The following EYA2 variants were observed in gnomAD, a reference collection of about 807,000 sequenced individuals.
EYA2 encodes the protein protein phosphatase EYA2.
A neutral mutation model predicts 69.2 loss-of-function variants in EYA2; 31 were observed. That is an observed-to-expected ratio of 0.45 (90% CI 0.34 to 0.60). The LOEUF (loss-of-function observed/expected upper bound fraction) is 0.60, where lower values mean the gene tolerates loss of function less well. EYA2 is among the 20% of genes least tolerant of loss of function. EYA2 has a pLI of 0.02. For missense variants in EYA2, 622 were observed against 701.2 expected (o/e 0.89, Z 1.28); for synonymous variants, 257 against 279.4 (o/e 0.92, Z 0.80).
intron 10 of EYA2, chr20:47,161,426 A>G: frequency 2.4e-6 from 1 of 419,854 alleles, no homozygotes; most frequent in East Asian, 6.4e-5. Flanking sequence ...CCTTGAGAGA[A>G]GCCCCCAGGA....
At chr20:46,952,844 A>G (rs1192152904) in intron 1 of EYA2, among the ~76,000 whole-genome samples, 1 of 152,208 alleles carries the variant, frequency 6.6e-6, no homozygotes, top group Non-Finnish European at 1.5e-5. Flanking sequence ...GCTTTTATGT[A>G]AGAGGTTGCA....
intron 1 of EYA2, among the ~76,000 whole-genome samples, chr20:46,970,857 T>C (rs1372661921): frequency 6.6e-6 from 1 of 152,182 alleles, no homozygotes; most frequent in Non-Finnish European, 1.5e-5. Context: ...TGGCTATGTT[T>C]TCAAAAAAAG....
chr20:47,076,224 G>A (rs1423698412), intron 7 of EYA2, among the ~76,000 whole-genome samples: 1 of 152,262 alleles, frequency 6.6e-6, no homozygotes, highest in East Asian at 1.9e-4. Context: ...CCCAGTAATG[G>A]GATTGCTGGT....
At chr20:47,149,392 T>C (rs1812908284) in intron 10 of EYA2, among the ~76,000 whole-genome samples, 3 of 152,072 alleles carry the variant, frequency 2.0e-5, no homozygotes, top group Admixed American at 2.0e-4. Context: ...CCACCGAAAC[T>C]CTCTGGTGAT....
intron 7 of EYA2, among the ~76,000 whole-genome samples, chr20:47,074,966 G>A (rs916514555): frequency 7.9e-5 from 12 of 152,166 alleles, no homozygotes; most frequent in African/African-American, 2.9e-4. Context: ...ACAGAAATTA[G>A]CCTGAGTCAT....
chr20:47,119,118 C>G lies in EYA2; in HGVS notation c.888+21950C>G, dbSNP rs192398925. 1.3e-3 allele frequency among the ~76,000 whole-genome samples: 203 copies of G among 152,260 alleles called. 1 individual carries two copies. Among genetic ancestry groups the G allele is most frequent in the African/African-American group, 4.7e-3 (197 of 41,548 alleles). ...ACACTTAACTAGCAGGTTGAGAAGCCGTCTCCCCTCCAACTACTCACCTGC... is the reference window on the plus strand; with the variant it reads ...ACACTTAACTAGCAGGTTGAGAAGCGGTCTCCCCTCCAACTACTCACCTGC... On this transcript the variant is annotated intron_variant, in intron 9 of 15. Transcript: ENST00000327619.
intron 10 of EYA2, among the ~76,000 whole-genome samples, chr20:47,165,436 G>A (rs2034161776): frequency 6.6e-6 from 1 of 152,110 alleles, no homozygotes; most frequent in Non-Finnish European, 1.5e-5. Flanking sequence ...TCTCATTCAG[G>A]GTCACCCTTT....
At position 47,124,783 on chromosome 20, in the gene EYA2, T is replaced by A. The variant is rs78503837; in HGVS notation, c.889-18276T>A. ...CATATCCACAATCCATTTTATCTAT[T>A]TATTTGTTATTTTTGCCTTTAAATT... On this transcript the variant is annotated intron_variant, in intron 9 of 15. Coordinates refer to ENST00000327619, the MANE Select transcript of EYA2 (RefSeq NM_005244.5). 8.8e-3 allele frequency among the ~76,000 whole-genome samples: 1,339 copies of A among 152,230 alleles called. 17 individuals are homozygous for A. The highest frequency in any genetic ancestry group is 0.029 in the African/African-American group (1,215 of 41,522).
chr20:47,163,036 CTT>C (rs11435504), intron 10 of EYA2, among the ~76,000 whole-genome samples: 1 of 146,464 alleles, frequency 6.8e-6, no homozygotes, highest in Non-Finnish European at 1.5e-5. Flanking sequence ...GTGTATCACT[CTT>C]TTTTTTTTTT....
In EYA2 at chr20:47,016,259, C is replaced by T; in HGVS notation, c.377C>T (p.Ser126Leu). The change falls in exon 5 of 16, where the codon TCA (serine) becomes TTA (leucine). Residue 126 changes from serine to leucine, a missense_variant. Ser to Leu is a moderately radical substitution (Grantham distance 145, BLOSUM62 -2). Transcript: ENST00000327619. ...AGCTATGGCTCCAGCTTCAGCACCT[C>T]ACCCACTGGACAGAGCCCATACACC... ...FLSYGSSFST[S>L]PTGQSPYTYQ... is the part of the protein sequence containing the mutation. 6.2e-7 allele frequency: 1 copy of T among 1,614,212 alleles called. No individual in the cohort carries two copies. The highest frequency in any genetic ancestry group is 8.5e-7 in the Non-Finnish European group (1 of 1,180,022).
intron 5 of EYA2, among the ~76,000 whole-genome samples, chr20:47,052,612 T>C (rs1304000565): frequency 2.0e-5 from 3 of 152,154 alleles, no homozygotes; most frequent in African/African-American, 7.2e-5. Context: ...GGAGTCCTGC[T>C]TCTTTCTTTT....
At chr20:47,047,394 C>CTTTTTTTTTTTTT (rs1440846354) in intron 5 of EYA2, among the ~76,000 whole-genome samples, 1 of 129,134 alleles carries the variant, frequency 7.7e-6, no homozygotes, top group African/African-American at 3.0e-5. Flanking sequence ...GTCTCTCTCT[C>CTTTTTTTTTTTTT]TCTTTTTTTT....
intron 1 of EYA2, among the ~76,000 whole-genome samples, chr20:46,941,399 T>G (rs1429087350): frequency 1.3e-5 from 2 of 152,222 alleles, no homozygotes; most frequent in Non-Finnish European, 2.9e-5. Flanking sequence ...CTCAGCTGTG[T>G]GGCCTTTCAT....
intron 2 of EYA2, among the ~76,000 whole-genome samples, chr20:46,995,258 G>A (rs1981945458): frequency 6.6e-6 from 1 of 152,168 alleles, no homozygotes; most frequent in East Asian, 1.9e-4. Flanking sequence ...GATGACTTAA[G>A]CCAGTTCCAG....
intron 9 of EYA2, among the ~76,000 whole-genome samples, chr20:47,134,731 G>C (rs546626194): frequency 6.6e-6 from 1 of 152,200 alleles, no homozygotes; most frequent in Non-Finnish European, 1.5e-5. Flanking sequence ...GCTAGGTCCT[G>C]TGGTGACTAC....
intron 1 of EYA2, among the ~76,000 whole-genome samples, chr20:46,982,633 T>C (rs1219128170): frequency 6.6e-6 from 1 of 152,198 alleles, no homozygotes; most frequent in African/African-American, 2.4e-5. Context: ...TTTAAACCTG[T>C]TTTTCAACCT....
intron 2 of EYA2, chr20:46,997,983 G>C (rs928706323): frequency 6.6e-6 from 1 of 152,308 alleles, no homozygotes; most frequent in Non-Finnish European, 1.5e-5. Flanking sequence ...CCATCTGCTT[G>C]TTCCCCCAGA....
At chr20:47,089,607 G>GA (rs1183429491) in intron 8 of EYA2, among the ~76,000 whole-genome samples, 12 of 152,234 alleles carry the variant, frequency 7.9e-5, no homozygotes, top group Non-Finnish European at 1.5e-4. Flanking sequence ...GGGGGTGGGG[G>GA]ATGGTGCTTT....
chr20:47,089,184 G>A, intron 7 of EYA2, 55 bp from the exon 8 acceptor site: 1 of 1,595,336 alleles, frequency 6.3e-7, no homozygotes, highest in Non-Finnish European at 8.6e-7. Context: ...TATTTCCCAG[G>A]AGGAGACACC....
Sources: gnomAD v4.1 joint callset for allele counts (sites outside exome capture counted in the v4.1 genomes callset) on GRCh38, gnomAD v4.1.1 for gene constraint, MANE v1.5 for transcripts, NCBI Gene and HGNC (gene_info 2026-07-23, HGNC 2026-07-21) for gene names.